RAPH1: variants seen among roughly 807,000 people sequenced by gnomAD.
RAPH1 encodes ras-associated and pleckstrin homology domains-containing protein 1.
A neutral mutation model predicts 88.1 loss-of-function variants in RAPH1; 18 were observed. That is an observed-to-expected ratio of 0.20 (90% confidence interval 0.14 to 0.30). The LOEUF is 0.30. RAPH1 is among the 10% of genes least tolerant of loss of function. The pLI, the probability that RAPH1 is intolerant of heterozygous loss-of-function variation, is 1.00. For missense variants in RAPH1, 1,448 were observed against 1,543.2 expected (o/e 0.94, Z 1.03); for synonymous variants, 587 against 559.0 (o/e 1.05, Z -0.71).
At position 203,438,281 on chromosome 2, in the gene RAPH1, C is replaced by T. The variant is rs2098500119; in HGVS notation, c.*1156G>A. 3 of 456,556 alleles carry T rather than the reference C, an allele frequency of 6.6e-6. No individual in the cohort carries two copies. The Admixed American group carries it at 7.0e-5, about 11-fold the overall frequency. The allele number at this position is 456,556 out of a possible 1,614,324, so 28.3% of individuals were successfully genotyped here. A position where few individuals can be genotyped will look rare whatever the true frequency, so the allele number is the denominator to read the frequency against. On this transcript the variant is annotated 3_prime_UTR_variant, in exon 14 of 14. Transcript: ENST00000319170. ...ATTACATATTATAACCCATATACAA[C>T]CAGATTAATGACACCTGTACAGGGG...
rs541686730 is a variant in RAPH1 at position 203,519,388 on chromosome 2, A to T, written c.-1+15723T>A. ...TCCATTACATCAACAGGCTAAAAAA[A>T]TTTTTTTTAATCACATGATCATATC... is the stretch of plus-strand genomic sequence containing the variant. On this transcript the variant is annotated intron_variant, in intron 1 of 13. Coordinates refer to ENST00000319170, the MANE Select transcript of RAPH1 (RefSeq NM_213589.3). 3.0e-4 allele frequency among the ~76,000 whole-genome samples: 46 copies of T among 152,224 alleles called. 1 individual carries two copies. In the South Asian group the frequency reaches 3.9e-3, roughly 13 times the overall value.
At position 203,438,138 on chromosome 2, in the gene RAPH1, T is replaced by C. The variant is rs1375747773; in HGVS notation, c.*1299A>G. ...GACTGTCCCACTCCATCAGAACACCTAGTAACCTGAACTAATCACAACCAG... is the reference window on the plus strand; with the variant it reads ...GACTGTCCCACTCCATCAGAACACCCAGTAACCTGAACTAATCACAACCAG... On this transcript the variant is annotated 3_prime_UTR_variant, in exon 14 of 14. Transcript: ENST00000319170. 1 of 518,788 alleles carries C rather than the reference T, an allele frequency of 1.9e-6. No individual in the cohort carries two copies. The highest frequency in any genetic ancestry group is 3.8e-6 in the Non-Finnish European group (1 of 259,828). 32.1% of individuals were successfully genotyped at this position (518,788 alleles called of 1,614,324 possible).
chr2:203,483,459 G>A (rs1213787268), intron 4 of RAPH1, among the ~76,000 whole-genome samples: 3 of 152,148 alleles, frequency 2.0e-5, no homozygotes, highest in Non-Finnish European at 4.4e-5. Flanking sequence ...TGAACTAGAC[G>A]GATGGAATAT....
rs2098520952 is a variant in RAPH1, at chr2:203,457,745, T to TA, written c.1093-151dup. ...TGATTTCTGTTGGTATAGAGTAGAA[T>TA]AAACTTTGAAAAGTTACCTGTGTAT... On this transcript the variant is annotated intron_variant, in intron 7 of 13. Transcript: ENST00000319170. The TA allele has an allele frequency of 3.1e-5, 21 of 680,662 alleles. No individual in the cohort carries two copies. The South Asian group carries it at 3.7e-4, about 12-fold the overall frequency. The allele number at this position is 680,662 out of a possible 1,614,324, so 42.2% of individuals were successfully genotyped here.
chr2:203,491,170 G>T, intron 3 of RAPH1, 44 bp downstream of exon 3: 1 of 1,339,256 alleles, frequency 7.5e-7, no homozygotes, highest in Non-Finnish European at 1.1e-6. Context: ...TACATTGTGT[G>T]ACTTAGCATA....
intron 4 of RAPH1, among the ~76,000 whole-genome samples, chr2:203,476,794 T>C (rs960856697): frequency 1.3e-5 from 2 of 152,216 alleles, no homozygotes; most frequent in African/African-American, 4.8e-5. Flanking sequence ...TTAAGAAATT[T>C]ACAAAAGCCC....
chr2:203,499,822 G>T (rs1398616062), intron 1 of RAPH1, among the ~76,000 whole-genome samples: 1 of 152,150 alleles, frequency 6.6e-6, no homozygotes, highest in Non-Finnish European at 1.5e-5. Flanking sequence ...TTCTCTAAAT[G>T]CTGATGTTGA....
intron 1 of RAPH1, among the ~76,000 whole-genome samples, chr2:203,508,896 C>T (rs1689206582): frequency 6.6e-6 from 1 of 152,014 alleles, no homozygotes; most frequent in Admixed American, 6.6e-5. Flanking sequence ...TTGTGTATTT[C>T]TCCAATATAT....
chr2:203,442,717 G>A (rs1316289059), intron 13 of RAPH1: 1 of 152,244 alleles, frequency 6.6e-6, no homozygotes, highest in African/African-American at 2.4e-5. Context: ...AAGCCTTAAA[G>A]CATTACTGCT....
chr2:203,458,472 C>T (rs1465106758), intron 7 of RAPH1, among the ~76,000 whole-genome samples: 1 of 152,160 alleles, frequency 6.6e-6, no homozygotes, highest in African/African-American at 2.4e-5. Context: ...CCCCTGTATA[C>T]CAAAATCTGC....
intron 4 of RAPH1, among the ~76,000 whole-genome samples, chr2:203,478,243 C>T (rs563858511): frequency 6.6e-6 from 1 of 152,120 alleles, no homozygotes; most frequent in South Asian, 2.1e-4. Context: ...ACAGTGTTAG[C>T]TAGGATGGTC....
intron 1 of RAPH1, among the ~76,000 whole-genome samples, chr2:203,503,891 T>TG (rs1033958688): frequency 1.8e-3 from 275 of 152,240 alleles, no homozygotes; most frequent in African/African-American, 6.5e-3. Flanking sequence ...CAAAAGCCAG[T>TG]GGGGCAGCCA....
intron 2 of RAPH1, among the ~76,000 whole-genome samples, chr2:203,493,971 CAAAAAAAAAAA>C (rs397937732): frequency 3.7e-4 from 7 of 18,964 alleles, no homozygotes; most frequent in Non-Finnish European, 5.9e-4. Context: ...GACTCTATCT[CAAAAAAAAAAA>C]AAAAAAAAAA....
At chr2:203,498,687 T>C (rs1688616748) in intron 1 of RAPH1, among the ~76,000 whole-genome samples, 1 of 152,120 alleles carries the variant, frequency 6.6e-6, no homozygotes, top group Non-Finnish European at 1.5e-5. Flanking sequence ...AATCCTGGAC[T>C]TCTGAGAACA....
chr2:203,514,619 A>G (rs2105938109), intron 1 of RAPH1, among the ~76,000 whole-genome samples: 1 of 151,998 alleles, frequency 6.6e-6, no homozygotes, highest in South Asian at 2.1e-4. Context: ...CAGTGGCGTG[A>G]TCTCGGCTCA....
intron 1 of RAPH1, among the ~76,000 whole-genome samples, chr2:203,514,505 G>A (rs1015672433): frequency 6.6e-6 from 1 of 152,138 alleles, no homozygotes; most frequent in East Asian, 1.9e-4. Context: ...GTGAGACAAT[G>A]AGCAGTATCC....
intron 1 of RAPH1, among the ~76,000 whole-genome samples, chr2:203,534,528 A>C (rs1007521681): frequency 6.0e-5 from 2 of 33,610 alleles, no homozygotes; most frequent in Non-Finnish European, 1.5e-4. Context: ...CCCCCCCATG[A>C]ATTGCAGTTT....
intron 1 of RAPH1, among the ~76,000 whole-genome samples, chr2:203,530,211 C>G (rs1456026977): frequency 6.6e-6 from 1 of 152,180 alleles, no homozygotes; most frequent in African/African-American, 2.4e-5. Flanking sequence ...ATCATACAGT[C>G]TGGAGTTTTA....
chr2:203,482,686 C>G (rs896200547), intron 4 of RAPH1, among the ~76,000 whole-genome samples: 6 of 151,960 alleles, frequency 3.9e-5, no homozygotes, highest in African/African-American at 1.4e-4. Context: ...GCCTGAGGAC[C>G]CAGCTACTCA....
Sources: gnomAD v4.1 joint callset for allele counts (sites outside exome capture counted in the v4.1 genomes callset) on GRCh38, gnomAD v4.1.1 for gene constraint, MANE v1.5 for transcripts, NCBI Gene and HGNC (gene_info 2026-07-23, HGNC 2026-07-21) for gene names.